The following ANKS1B variants were observed in gnomAD, a reference collection of about 807,000 sequenced individuals.
The protein encoded by ANKS1B is ankyrin repeat and sterile alpha motif domain containing 1B.
ANKS1B carries 36 observed loss-of-function variants against 148.3 expected under a neutral mutation model. That is an observed-to-expected ratio of 0.24 (90% CI 0.19 to 0.32). The LOEUF is 0.32. ANKS1B is among the 10% of genes least tolerant of loss of function. The pLI is 1.00. For missense variants in ANKS1B, 1,157 were observed against 1,542.6 expected, an observed-to-expected ratio of 0.75 and a Z score of 4.19; for synonymous variants, 542 against 560.8, an observed-to-expected ratio of 0.97 and a Z score of 0.47.
intron 1 of ANKS1B, among the ~76,000 whole-genome samples, chr12:99,829,745 G>A (rs1004620893): frequency 3.9e-5 from 6 of 152,138 alleles, no homozygotes; most frequent in African/African-American, 1.4e-4. Flanking sequence ...CAGGAGAAAT[G>A]CTTGAACCTG....
Position 99,806,563 on chromosome 12 carries a change from G to A in ANKS1B, c.510C>T (p.Leu170=), listed in dbSNP as rs773207973. 4 of 1,613,950 alleles carry A rather than the reference G, an allele frequency of 2.5e-6. No individual in the cohort carries two copies. The highest frequency in any genetic ancestry group is 1.3e-5 in the African/African-American group (1 of 75,040). Residue 170 remains leucine, a synonymous_variant, in exon 4 of 27, where the codon CTC becomes CTT. Transcript: ENST00000683438. ...TTTTTACCACTCTAAGCCGTCCGTA[G>A]AGTGCCGCCAAGTCCAAAGGTGTTT... ...KLETPLDLAA[L]YGRLRVVKMI...
chr12:98,854,929 G>A (rs1391178655), intron 17 of ANKS1B, among the ~76,000 whole-genome samples: 13 of 152,116 alleles, frequency 8.5e-5, no homozygotes, highest in African/African-American at 2.9e-4. Context: ...GGAGGCCGAG[G>A]CGGGTGGATC....
Position 98,745,672 on chromosome 12 carries a change from C to G in ANKS1B, c.*67G>C. On this transcript the variant is annotated 3_prime_UTR_variant, in exon 27 of 27. Coordinates refer to ENST00000683438, the MANE Select transcript of ANKS1B (RefSeq NM_001352186.2). Reference sequence around the variant, plus strand: ...CCTGGGCTGGGTGGACGCGGAGGCGCGAAGGAAAGCCTGCTCCGGGACCGC... The same window carrying G: ...CCTGGGCTGGGTGGACGCGGAGGCGGGAAGGAAAGCCTGCTCCGGGACCGC... The G allele has an allele frequency of 1.3e-6, 2 of 1,586,500 alleles. No individual in the cohort carries two copies. The highest frequency in any genetic ancestry group is 1.7e-4 in the Middle Eastern group (1 of 5,872).
chr12:99,845,453 C>T (rs2086503541), intron 1 of ANKS1B, among the ~76,000 whole-genome samples: 1 of 152,124 alleles, frequency 6.6e-6, no homozygotes, highest in South Asian at 2.1e-4. Flanking sequence ...TGAATTTTAG[C>T]AAAGGCCTTT....
At chr12:99,865,796 C>T (rs1374735778) in intron 1 of ANKS1B, among the ~76,000 whole-genome samples, 2 of 152,120 alleles carry the variant, frequency 1.3e-5, no homozygotes, top group African/African-American at 4.8e-5. Context: ...ATGCCTCAGT[C>T]TAAATTTCCC....
At chr12:98,818,144 C>A (rs1454612878) in intron 19 of ANKS1B, among the ~76,000 whole-genome samples, 1 of 106,046 alleles carries the variant, frequency 9.4e-6, no homozygotes. Context: ...CAGTTCCCTC[C>A]CTCCCTCCCT....
Position 99,468,236 on chromosome 12 carries a change from A to T in ANKS1B, c.1439-24427T>A, listed in dbSNP as rs551976801. 3.8e-3 allele frequency among the ~76,000 whole-genome samples: 574 copies of T among 152,308 alleles called. 6 individuals carry two copies. Among genetic ancestry groups the T allele is most frequent in the African/African-American group, 0.011 (478 of 41,568 alleles). On this transcript the variant is annotated intron_variant, in intron 10 of 26. Coordinates refer to ENST00000683438, the MANE Select transcript of ANKS1B (RefSeq NM_001352186.2). ...GGTGCTGGGAAAACTGGCTAGCCATATGTAGAAAGCTGAAACTGGATCTCT... is the reference window on the plus strand; with the variant it reads ...GGTGCTGGGAAAACTGGCTAGCCATTTGTAGAAAGCTGAAACTGGATCTCT...
Position 99,778,963 on chromosome 12 carries a change from T to C in ANKS1B, c.847+908A>G, listed in dbSNP as rs369505530. ...AAACCTATCTCACCACCCTCCTCTA[T>C]CATACTTGCAGCCAATCCATAACAA... On this transcript the variant is annotated intron_variant, in intron 6 of 26. Transcript: ENST00000683438. Among the ~76,000 whole-genome samples the C allele has an allele frequency of 1.7e-3, 258 of 152,288 alleles. 7 individuals are homozygous for C. In the South Asian group the frequency reaches 0.051, roughly 30 times the overall value.
Position 98,774,901 on chromosome 12 carries a change from A to G in ANKS1B, c.3442-1722T>C, listed in dbSNP as rs77771226. ...TAACTCAAATTGCAATTGGAATCCC[A>G]TAAACAAGTAACATTCTATTGCAAG... On this transcript the variant is annotated intron_variant, in intron 24 of 26. Coordinates refer to ENST00000683438, the MANE Select transcript of ANKS1B (RefSeq NM_001352186.2). Among the ~76,000 whole-genome samples the G allele has an allele frequency of 9.3e-3, 1,411 of 152,364 alleles. 28 individuals carry two copies. Among genetic ancestry groups the G allele is most frequent in the African/African-American group, 0.032 (1,331 of 41,574 alleles).
rs757640273 is a variant in ANKS1B at position 99,642,635 on chromosome 12, G to C, written c.1272+12432C>G. ...GTTCAAGACAAGACAGGCCAACATG[G>C]TGAAACCCCATCTCTACTAAAAATA... On this transcript the variant is annotated intron_variant, in intron 9 of 26. Transcript: ENST00000683438. Among the ~76,000 whole-genome samples the C allele has an allele frequency of 1.4e-4, 21 of 151,990 alleles. 1 individual carries two copies. The highest frequency in any genetic ancestry group is 2.6e-4 in the Non-Finnish European group (18 of 67,988).
In ANKS1B at chr12:99,351,547, C is replaced by G. The variant is rs115197632; in HGVS notation, c.1756+48084G>C. On this transcript the variant is annotated intron_variant, in intron 12 of 26. Coordinates refer to ENST00000683438, the MANE Select transcript of ANKS1B (RefSeq NM_001352186.2). ...TTTGAATTACAAAGAACTTCTAAGT[C>G]ATGTAAGCATAGATAAATTAGTGTC... is the stretch of plus-strand genomic sequence containing the variant. 6.6e-3 allele frequency among the ~76,000 whole-genome samples: 1,005 copies of G among 151,922 alleles called. 18 individuals carry two copies. The highest frequency in any genetic ancestry group is 0.023 in the African/African-American group (960 of 41,454).
chr12:98,903,233 T>C (rs1460757216), intron 17 of ANKS1B, among the ~76,000 whole-genome samples: 1 of 152,076 alleles, frequency 6.6e-6, no homozygotes, highest in Non-Finnish European at 1.5e-5. Flanking sequence ...CAACACCCGG[T>C]GCTCTATTTC....
intron 14 of ANKS1B, among the ~76,000 whole-genome samples, chr12:99,190,944 A>T (rs1054768076): frequency 5.9e-5 from 9 of 152,144 alleles, no homozygotes; most frequent in Admixed American, 3.9e-4. Flanking sequence ...CAATCTCTCC[A>T]TCTGACAAAC....
Position 99,471,756 on chromosome 12 carries a change from C to T in ANKS1B, c.1439-27947G>A, listed in dbSNP as rs367838956. Among the ~76,000 whole-genome samples, 70 of 152,144 alleles carry T rather than the reference C, an allele frequency of 4.6e-4. No individual in the cohort carries two copies. The South Asian group carries it at 0.014, about 31-fold the overall frequency. On this transcript the variant is annotated intron_variant, in intron 10 of 26. Transcript: ENST00000683438. ...AATATTATTAAAAAATATGTTGCTG[C>T]TACTCTTCCAAATATACTTAAAACT...
At chr12:98,896,006 A>G (rs1046228332) in intron 17 of ANKS1B, among the ~76,000 whole-genome samples, 3 of 152,234 alleles carry the variant, frequency 2.0e-5, no homozygotes, top group Admixed American at 6.5e-5. Flanking sequence ...TACAAGTTCC[A>G]TCCGTAAGTG....
At chr12:99,797,239 A>G (rs191598959) in intron 4 of ANKS1B, among the ~76,000 whole-genome samples, 2 of 152,092 alleles carry the variant, frequency 1.3e-5, no homozygotes, top group African/African-American at 4.8e-5. Flanking sequence ...AGATTTAAAA[A>G]AAAATCAAGT....
chr12:99,597,709 A>G (rs1031732512), intron 9 of ANKS1B, among the ~76,000 whole-genome samples: 1 of 152,112 alleles, frequency 6.6e-6, no homozygotes, highest in Non-Finnish European at 1.5e-5. Flanking sequence ...TTAATCCTAT[A>G]TCAAATGGTT....
At chr12:99,542,979 T>C (rs1394785559) in intron 9 of ANKS1B, among the ~76,000 whole-genome samples, 1 of 152,042 alleles carries the variant, frequency 6.6e-6, no homozygotes, top group Non-Finnish European at 1.5e-5. Flanking sequence ...AAGAAATAAA[T>C]AAACTGAATT....
intron 17 of ANKS1B, among the ~76,000 whole-genome samples, chr12:98,851,733 C>T (rs2099527420): frequency 6.6e-6 from 1 of 151,872 alleles, no homozygotes; most frequent in South Asian, 2.1e-4. Context: ...GGAAACCAAC[C>T]AAGGTTTTAA....
Sources: gnomAD v4.1 joint callset for allele counts (sites outside exome capture counted in the v4.1 genomes callset) on GRCh38, gnomAD v4.1.1 for gene constraint, MANE v1.5 for transcripts, NCBI Gene and HGNC (gene_info 2026-07-23, HGNC 2026-07-21) for gene names.